The following HGF variants were observed in gnomAD, a reference collection of about 807,000 sequenced individuals.
HGF encodes the protein fibroblast-derived tumor cytotoxic factor.
A neutral mutation model predicts 111.6 loss-of-function variants in HGF; 39 were observed. The observed-to-expected ratio is 0.35, with a 90% CI of 0.27 to 0.46. HGF has a LOEUF of 0.46. Among genes scored for constraint, HGF ranks in the 20% least tolerant of loss-of-function variants. The pLI is 1.00. For synonymous variants in HGF, 285 were observed against 294.8 expected, an observed-to-expected ratio of 0.97 and a Z score of 0.34; for missense variants, 735 against 910.5, an observed-to-expected ratio of 0.81 and a Z score of 2.48.
intron 8 of HGF, 137 bp downstream of exon 8, chr7:81,729,468 A>G: frequency 1.4e-6 from 1 of 717,088 alleles, no homozygotes; most frequent in South Asian, 1.5e-5. Context: ...GTGGAGGTGT[A>G]ATCTGCCTTT....
At chr7:81,760,099 A>G (rs1234944445) in intron 2 of HGF, among the ~76,000 whole-genome samples, 1 of 152,166 alleles carries the variant, frequency 6.6e-6, no homozygotes, top group Admixed American at 6.5e-5. Flanking sequence ...ACACCTCCAT[A>G]TAAAGTGGGT....
At chr7:81,729,930 A>G (rs896584430) in intron 7 of HGF, 151 bp from the exon 8 acceptor site, 1 of 648,884 alleles carries the variant, frequency 1.5e-6, no homozygotes, top group Non-Finnish European at 2.6e-6. Flanking sequence ...AAGAAATTTA[A>G]CTTAACATTA....
intron 7 of HGF, among the ~76,000 whole-genome samples, chr7:81,739,446 A>G (rs1562889444): frequency 6.6e-6 from 1 of 152,208 alleles, no homozygotes; most frequent in Non-Finnish European, 1.5e-5. Context: ...ACATGCACGT[A>G]TGTATACACA....
At chr7:81,763,380 A>G (rs773302160) in intron 1 of HGF, among the ~76,000 whole-genome samples, 6 of 152,110 alleles carry the variant, frequency 3.9e-5, no homozygotes, top group Non-Finnish European at 8.8e-5. Context: ...CTTTCATGTT[A>G]TTCATATTTT....
At chr7:81,740,873 T>A (rs1437983169) in intron 7 of HGF, among the ~76,000 whole-genome samples, 3 of 152,232 alleles carry the variant, frequency 2.0e-5, no homozygotes, top group Non-Finnish European at 2.9e-5. Flanking sequence ...GCAAGGAGCC[T>A]GCCTGAGTTA....
chr7:81,743,567 A>G, intron 6 of HGF, 96 bp from the exon 7 acceptor site: 1 of 838,288 alleles, frequency 1.2e-6, no homozygotes, highest in Non-Finnish European at 2.1e-6. Context: ...GGTTGTCTAC[A>G]CCTAGCTGGG....
At chr7:81,729,829 G>T in intron 7 of HGF, 50 bp from the exon 8 acceptor site, 1 of 1,563,580 alleles carries the variant, frequency 6.4e-7, no homozygotes, top group East Asian at 2.2e-5. Context: ...AATCTTTGAA[G>T]ATGTCATTTG....
intron 4 of HGF, among the ~76,000 whole-genome samples, chr7:81,753,988 G>A (rs914100248): frequency 6.6e-6 from 1 of 151,862 alleles, no homozygotes; most frequent in Non-Finnish European, 1.5e-5. Context: ...TTTTCTGATA[G>A]AATCAAATGT....
At chr7:81,754,379 G>A (rs1181550274) in intron 4 of HGF, among the ~76,000 whole-genome samples, 8 of 151,832 alleles carry the variant, frequency 5.3e-5, no homozygotes, top group Admixed American at 2.6e-4. Flanking sequence ...CATGCACACC[G>A]AAATACACAA....
chr7:81,704,520 A>G (rs1789371066), intron 17 of HGF, among the ~76,000 whole-genome samples: 1 of 151,810 alleles, frequency 6.6e-6, no homozygotes, highest in Admixed American at 6.6e-5. Context: ...TTCTAACCAT[A>G]TCATTTTTAA....
intron 5 of HGF, chr7:81,751,128 T>C (rs1335096564): frequency 3.3e-6 from 3 of 902,218 alleles, no homozygotes; most frequent in East Asian, 1.2e-4. Flanking sequence ...ATCAACCTAA[T>C]ATTAAATGAA....
At chr7:81,735,574 C>T (rs1057508147) in intron 7 of HGF, among the ~76,000 whole-genome samples, 7 of 151,952 alleles carry the variant, frequency 4.6e-5, no homozygotes, top group African/African-American at 1.7e-4. Flanking sequence ...AATATTTTCT[C>T]ATCATATAAA....
intron 12 of HGF, 63 bp downstream of exon 12, chr7:81,711,418 A>G (rs986458402): frequency 7.6e-5 from 64 of 846,136 alleles, no homozygotes; most frequent in Non-Finnish European, 4.8e-5. Context: ...GAAAGAAATA[A>G]TGACACTTCT....
At chr7:81,760,385 A>C (rs943387453) in intron 2 of HGF, among the ~76,000 whole-genome samples, 1 of 152,174 alleles carries the variant, frequency 6.6e-6, no homozygotes, top group Non-Finnish European at 1.5e-5. Context: ...GAATAATTTG[A>C]ATCTCTAGGA....
At chr7:81,767,403 A>G (rs1422746020) in intron 1 of HGF, among the ~76,000 whole-genome samples, 6 of 152,224 alleles carry the variant, frequency 3.9e-5, no homozygotes, top group Non-Finnish European at 8.8e-5. Flanking sequence ...TGAACCGGCT[A>G]AATGAGTCCA....
intron 6 of HGF, 132 bp downstream of exon 6, chr7:81,744,868 G>A: frequency 9.9e-7 from 1 of 1,014,628 alleles, no homozygotes. Flanking sequence ...TGAACATTCT[G>A]GGAGTTCTAA....
intron 4 of HGF, among the ~76,000 whole-genome samples, chr7:81,753,690 TA>T (rs540192978): frequency 1.3e-5 from 2 of 152,046 alleles, no homozygotes; most frequent in Non-Finnish European, 2.9e-5. Context: ...TATTACTAAC[TA>T]AACATTTTCA....
At chr7:81,769,474 A>G (rs1789524148) in intron 1 of HGF, among the ~76,000 whole-genome samples, 1 of 152,140 alleles carries the variant, frequency 6.6e-6, no homozygotes, top group African/African-American at 2.4e-5. Context: ...ATCATGAAAA[A>G]TTGTTCTCTG....
intron 4 of HGF, chr7:81,756,782 C>T (rs1788790296): frequency 4.9e-6 from 1 of 203,722 alleles, no homozygotes. Context: ...TTTTAATGTG[C>T]AACCAATGTT....
Sources: allele counts gnomAD v4.1 joint callset (sites outside exome capture counted in the v4.1 genomes callset), GRCh38; gene constraint gnomAD v4.1.1; transcripts MANE v1.5; gene names NCBI Gene and HGNC (gene_info 2026-07-23, HGNC 2026-07-21).